FSIP2: variants seen among roughly 807,000 people sequenced by gnomAD.
FSIP2 encodes the protein fibrous sheath interacting protein 2, also known as fibrous sheath-interacting protein 2.
A neutral mutation model predicts 510.5 loss-of-function variants in FSIP2; 367 were observed. That is an observed-to-expected ratio of 0.72 (90% confidence interval 0.66 to 0.78). The LOEUF (loss-of-function observed/expected upper bound fraction) is 0.78. FSIP2 is among the 30% of genes least tolerant of loss of function. FSIP2 has a pLI of 0.00. For missense variants in FSIP2, 7,594 were observed against 7,901.7 expected, an observed-to-expected ratio of 0.96 and a Z score of 1.48; for synonymous variants, 2,601 against 2,732.2, an observed-to-expected ratio of 0.95 and a Z score of 1.50.
In FSIP2 at chr2:185,792,922, A is replaced by C; in HGVS notation, c.5786A>C (p.Glu1929Ala). The stretch of plus-strand genomic sequence containing the variant: ...GTACAGGCAATATTAACAAATTTAG[A>C]AACTTTTGCTACTTCCAAAGTAAAA... Reference protein sequence around the residue: ...DIVQAILTNLETFATSKVKSL... With the variant: ...DIVQAILTNLATFATSKVKSL... Residue 1929 changes from glutamate (E) to alanine (A), a missense_variant, in exon 16 of 23, where the codon GAA becomes GCA. Coordinates refer to ENST00000424728, the MANE Select transcript of FSIP2 (RefSeq NM_173651.4). 6.5e-7 allele frequency: 1 copy of C among 1,534,098 alleles called. No homozygotes were observed. The highest frequency in any genetic ancestry group is 8.7e-7 in the Non-Finnish European group (1 of 1,145,530).
chr2:185,769,750 T>C (rs1012855022), intron 13 of FSIP2, among the ~76,000 whole-genome samples: 2 of 152,212 alleles, frequency 1.3e-5, no homozygotes, highest in Non-Finnish European at 2.9e-5. Flanking sequence ...TTTTTATAAA[T>C]AGAGTTTTAC....
At chr2:185,761,347 G>T (rs1244017770) in intron 10 of FSIP2, among the ~76,000 whole-genome samples, 1 of 151,044 alleles carries the variant, frequency 6.6e-6, no homozygotes. Flanking sequence ...AATAATGACA[G>T]CTTGCATTTA....
In FSIP2 at chr2:185,808,275, C is replaced by G. The variant is rs185815344; in HGVS notation, c.18969C>G (p.Ile6323Met). Reference protein sequence around the residue: ...LEAVKIMEKVIKIIDELKSKE... With the variant: ...LEAVKIMEKVMKIIDELKSKE... ...CTGTCAAAATTATGGAAAAAGTGAT[C>G]AAAATTATTGATGAACTTAAGTCTA... The change falls in exon 17 of 23, where the codon ATC (isoleucine) becomes ATG (methionine). Residue 6323 changes from isoleucine to methionine, a missense_variant. Ile to Met is a conservative substitution (Grantham distance 10). Coordinates refer to ENST00000424728, the MANE Select transcript of FSIP2 (RefSeq NM_173651.4). 1.9e-6 allele frequency: 3 copies of G among 1,601,140 alleles called. No homozygotes were observed. The highest frequency in any genetic ancestry group is 1.7e-6 in the Non-Finnish European group (2 of 1,175,618).
Position 185,791,017 on chromosome 2 carries a change from A to T in FSIP2, c.3881A>T (p.Tyr1294Phe). The T allele has an allele frequency of 6.5e-7, 1 of 1,531,154 alleles. No homozygotes were observed. Among genetic ancestry groups the T allele is most frequent in the Non-Finnish European group, 8.7e-7 (1 of 1,143,990 alleles). The allele number at this position is 1,531,154 out of a possible 1,614,324, so 94.8% of individuals were successfully genotyped here. The stretch of plus-strand genomic sequence containing the variant: ...TCATTACGATCTCAACTTAGTAAGT[A>T]CACAGCTAAAATAGTAAACATTGTT... ...KSSLRSQLSK[Y>F]TAKIVNIVLC... Residue 1294 changes from tyrosine to phenylalanine, a missense_variant, in exon 16 of 23, where the codon TAC becomes TTC. Tyr to Phe is a conservative substitution (Grantham distance 22). Coordinates refer to ENST00000424728, the MANE Select transcript of FSIP2 (RefSeq NM_173651.4).
At chr2:185,780,688 T>C (rs902224106) in intron 13 of FSIP2, among the ~76,000 whole-genome samples, 7 of 152,178 alleles carry the variant, frequency 4.6e-5, no homozygotes, top group East Asian at 1.9e-4. Flanking sequence ...TTAAAAGCCA[T>C]GGTTTCTTGT....
chr2:185,766,053 A>G (rs1219520746), intron 13 of FSIP2: 2 of 151,848 alleles, frequency 1.3e-5, no homozygotes, highest in African/African-American at 4.8e-5. Context: ...GGCTGAGACA[A>G]TGGGGTTTTC....
At chr2:185,821,073 T>A (rs1262100305) in intron 19 of FSIP2, among the ~76,000 whole-genome samples, 8 of 88,410 alleles carry the variant, frequency 9.0e-5, no homozygotes, top group South Asian at 4.3e-4. Flanking sequence ...CTAGATTGCC[T>A]AAGGAAAGAA....
chr2:185,769,914 A>AT (rs1413783657), intron 13 of FSIP2, among the ~76,000 whole-genome samples: 1 of 151,966 alleles, frequency 6.6e-6, no homozygotes. Context: ...CAAAGATCAG[A>AT]TGGTTGCAGG....
chr2:185,806,198 C>T lies in FSIP2; in HGVS notation c.16892C>T (p.Ser5631Phe). Residue 5631 changes from serine (S) to phenylalanine (F), a missense_variant, in exon 17 of 23, where the codon TCC becomes TTC. Coordinates refer to ENST00000424728, the MANE Select transcript of FSIP2 (RefSeq NM_173651.4). ...KKDDKLFQLS[S>F]LKSKRNLGTT... is the part of the protein sequence containing the mutation. ...GATGACAAGCTCTTTCAGTTATCCT[C>T]CTTGAAGTCCAAGAGAAATCTAGGG... 6.3e-7 allele frequency: 1 copy of T among 1,598,810 alleles called. No homozygotes were observed. Among genetic ancestry groups the T allele is most frequent in the Non-Finnish European group, 8.5e-7 (1 of 1,174,884 alleles).
At position 185,791,545 on chromosome 2, in the gene FSIP2, A is replaced by G. The variant is rs1342445158; in HGVS notation, c.4409A>G (p.Gln1470Arg). Residue 1470 changes from glutamine (Q) to arginine (R), a missense_variant, in exon 16 of 23, where the codon CAG becomes CGG. Gln to Arg is a conservative substitution (Grantham distance 43). Transcript: ENST00000424728. ...AGCAGAGAGATGACCAATAAGAATC[A>G]GAAAATGGCTGCTGCATTGCAGTCT... ...QQSREMTNKN[Q>R]KMAAALQSNI... The G allele has an allele frequency of 1.3e-6, 2 of 1,534,468 alleles. No individual in the cohort carries two copies. The highest frequency in any genetic ancestry group is 3.9e-5 in the Admixed American group (2 of 50,862).
rs1692367768 is a variant in FSIP2 at position 185,762,259 on chromosome 2, T to C, written c.1240+242T>C. Among the ~76,000 whole-genome samples, 5 of 151,408 alleles carry C rather than the reference T, an allele frequency of 3.3e-5. No individual in the cohort carries two copies. In the South Asian group the frequency reaches 1.0e-3, roughly 31 times the overall value. On this transcript the variant is annotated intron_variant, in intron 11 of 22. Coordinates refer to ENST00000424728, the MANE Select transcript of FSIP2 (RefSeq NM_173651.4). ...AAAGATAGGGTCCTTGCTGTAGCTG[T>C]TTGTAGTTACAGATAAAGACGCTGG...
At position 185,805,892 on chromosome 2, in the gene FSIP2, C is replaced by CCTCTATTTATT. The variant is rs1693558877; in HGVS notation, c.16586_16587insCTCTATTTATT (p.Gln5530SerfsTer20). On this transcript the variant is annotated frameshift_variant, in exon 17 of 23. Transcript: ENST00000424728. LOFTEE classifies it high-confidence loss of function. Reference sequence around the variant, plus strand: ...GATGAAAATAAAGTGGGAATTTGTACTCAAAAACATAGTGAGAATGTATCA... The same window carrying CCTCTATTTATT: ...GATGAAAATAAAGTGGGAATTTGTACCTCTATTTATTTCAAAAACATAGTGAGAATGTATCA... 6.2e-7 allele frequency: 1 copy of CCTCTATTTATT among 1,608,016 alleles called. No individual in the cohort carries two copies. The highest frequency in any genetic ancestry group is 8.5e-7 in the Non-Finnish European group (1 of 1,177,506).
rs1432457139 is a variant in FSIP2 at position 185,795,955 on chromosome 2, A to G, written c.8819A>G (p.Asp2940Gly). 6.5e-7 allele frequency: 1 copy of G among 1,534,740 alleles called. No individual in the cohort carries two copies. Among genetic ancestry groups the G allele is most frequent in the Admixed American group, 2.0e-5 (1 of 50,854 alleles). Residue 2940 changes from aspartate (D) to glycine (G), a missense_variant, in exon 16 of 23, where the codon GAT (aspartate) becomes GGT (glycine). Coordinates refer to ENST00000424728, the MANE Select transcript of FSIP2 (RefSeq NM_173651.4). ...LCFLSQIPTP[D>G]SEETLSNSKE... The stretch of plus-strand genomic sequence containing the variant: ...TTTCTGTCCCAAATTCCCACTCCAG[A>G]TAGTGAAGAAACTCTATCAAACAGT...
chr2:185,739,593 T>C, intron 2 of FSIP2, 122 bp downstream of exon 2: 1 of 881,304 alleles, frequency 1.1e-6, no homozygotes, highest in Non-Finnish European at 1.6e-6. Flanking sequence ...AAAAAGAAAA[T>C]CCCACATCTG....
At chr2:185,762,062 G>A in intron 11 of FSIP2, 45 bp downstream of exon 11, 1 of 858,758 alleles carries the variant, frequency 1.2e-6, no homozygotes, top group Non-Finnish European at 1.8e-6. Context: ...TATTAGGCAT[G>A]CAATTATAGT....
At chr2:185,768,350 T>A (rs1438212685) in intron 13 of FSIP2, among the ~76,000 whole-genome samples, 1 of 152,118 alleles carries the variant, frequency 6.6e-6, no homozygotes, top group Non-Finnish European at 1.5e-5. Flanking sequence ...CAGATCAACA[T>A]CAAGAAGCTT....
chr2:185,833,048 C>T, intron 22 of FSIP2, 42 bp from the exon 23 acceptor site: 1 of 1,595,580 alleles, frequency 6.3e-7, no homozygotes. Context: ...CCTCAGTGTT[C>T]AAAAATAAAG....
Position 185,805,670 on chromosome 2 carries a change from G to C in FSIP2, c.16364G>C (p.Cys5455Ser), listed in dbSNP as rs1693549994. 1.9e-6 allele frequency: 3 copies of C among 1,610,318 alleles called. No homozygotes were observed. The East Asian group carries it at 6.7e-5, about 36-fold the overall frequency. ...AAAGATACTTCTTCCACCCCAGATT[G>C]CAAAAACATGATGAGCACTTTGGAA... ...SYKDTSSTPD[C>S]KNMMSTLEIN... The change falls in exon 17 of 23, where the codon TGC becomes TCC. Residue 5455 changes from cysteine (C) to serine (S), a missense_variant. Transcript: ENST00000424728.
Position 185,800,195 on chromosome 2 carries a change from G to T in FSIP2, c.10889G>T (p.Arg3630Ile). The T allele has an allele frequency of 6.5e-7, 1 of 1,532,294 alleles. No individual in the cohort carries two copies. The highest frequency in any genetic ancestry group is 8.7e-7 in the Non-Finnish European group (1 of 1,144,924). 94.9% of individuals were successfully genotyped at this position (1,532,294 alleles called of 1,614,324 possible). A position where few individuals can be genotyped will look rare whatever the true frequency, so the allele number is the denominator to read the frequency against. ...GATTATCACTTTGAAAGCAATGTAA[G>T]AAACAAATCATTTTCTATGCATAGA... Reference protein sequence around the residue: ...EVDYHFESNVRNKSFSMHRNN... With the variant: ...EVDYHFESNVINKSFSMHRNN... Residue 3630 changes from arginine to isoleucine, a missense_variant, in exon 17 of 23, where the codon AGA becomes ATA. Coordinates refer to ENST00000424728, the MANE Select transcript of FSIP2 (RefSeq NM_173651.4).
Sources: allele counts gnomAD v4.1 joint callset (sites outside exome capture counted in the v4.1 genomes callset), GRCh38; gene constraint gnomAD v4.1.1; transcripts MANE v1.5; gene names NCBI Gene and HGNC (gene_info 2026-07-23, HGNC 2026-07-21).